ZNF469: variants seen among roughly 807,000 people sequenced by gnomAD.
ZNF469 encodes the protein zinc finger protein 469.
ZNF469 carries 1 observed loss-of-function variant against 1.0 expected under a neutral mutation model. The ratio of observed to expected loss-of-function variants is 1.00; its 90% CI spans 0.35 to 4.73. The LOEUF (loss-of-function observed/expected upper bound fraction) is 4.73, where lower values mean the gene tolerates loss of function less well. ZNF469 is among the 30% of genes most tolerant of loss of function. The pLI, the probability that ZNF469 is intolerant of heterozygous loss-of-function variation, is 0.16. For synonymous variants in ZNF469, 2,703 were observed against 2,363.4 expected, an observed-to-expected ratio of 1.14 and a Z score of -4.17; for missense variants, 6,100 against 5,356.3, an observed-to-expected ratio of 1.14 and a Z score of -4.33.
chr16:88,367,981 G>C, the ZNF469 span, among the ~76,000 whole-genome samples: 1 of 152,168 alleles, frequency 6.6e-6, no homozygotes, highest in African/African-American at 2.4e-5. Flanking sequence ...GCAGACGAAA[G>C]CACGCCCGAT....
At chr16:88,370,397 A>T in the ZNF469 span, among the ~76,000 whole-genome samples, 3 of 152,176 alleles carry the variant, frequency 2.0e-5, no homozygotes, top group African/African-American at 4.8e-5. Flanking sequence ...AAGCCATGAC[A>T]CAGAGTTGCC....
chr16:88,430,496 C>A lies in ZNF469; in HGVS notation c.3026C>A (p.Ala1009Glu). 7.0e-7 allele frequency: 1 copy of A among 1,418,966 alleles called. No individual in the cohort carries two copies. The highest frequency in any genetic ancestry group is 9.1e-7 in the Non-Finnish European group (1 of 1,097,292). The allele number at this position is 1,418,966 out of a possible 1,614,324, so 87.9% of individuals were successfully genotyped here. ...GCCCCCGGGAGCCGCGCAGACCCCGCGCCCCGGGTCCCGAGAGCCGCCGCC... is the reference window on the plus strand; with the variant it reads ...GCCCCCGGGAGCCGCGCAGACCCCGAGCCCCGGGTCCCGAGAGCCGCCGCC... ...TQAPGSRADP[A>E]PRVPRAAALP... is the part of the protein sequence containing the mutation. Residue 1009 changes from alanine (A) to glutamate (E), a missense_variant, in exon 3 of 3, where the codon GCG becomes GAG. Coordinates refer to ENST00000565624, the MANE Select transcript of ZNF469 (RefSeq NM_001367624.2).
intron 2 of ZNF469, among the ~76,000 whole-genome samples, chr16:88,426,764 C>A (rs1157218516): frequency 6.6e-6 from 1 of 152,156 alleles, no homozygotes; most frequent in Admixed American, 6.5e-5. Context: ...GGCAGGGAGA[C>A]CCTGGCTGAC....
chr16:88,164,637 C>T, the ZNF469 span, among the ~76,000 whole-genome samples: 1 of 152,172 alleles, frequency 6.6e-6, no homozygotes, highest in African/African-American at 2.4e-5. Flanking sequence ...TGGTTCATGA[C>T]AGCACAGTGC....
intron 1 of ZNF469, among the ~76,000 whole-genome samples, chr16:88,408,724 C>T (rs905297584): frequency 2.0e-5 from 3 of 151,466 alleles, no homozygotes; most frequent in African/African-American, 7.3e-5. Flanking sequence ...CCAGGCCAGC[C>T]CTGACCCTCC....
At chr16:88,185,647 A>C in the ZNF469 span, among the ~76,000 whole-genome samples, 1 of 149,176 alleles carries the variant, frequency 6.7e-6, no homozygotes, top group Non-Finnish European at 1.5e-5. Flanking sequence ...CACACATGTG[A>C]ATATAGTATA....
rs1275714295 is a variant in ZNF469, at chr16:88,395,235, GTAGATGGATGGATGGATGGA to G, written c.-192+11983_-192+12002del. ...GATGGGTGGATGGATGGGTGGATGG[GTAGATGGATGGATGGATGGA>G]TGGATGGATGGATGGATGGATGGAT... is the stretch of plus-strand genomic sequence containing the variant. On this transcript the variant is annotated intron_variant, in intron 1 of 2. Transcript: ENST00000565624. Among the ~76,000 whole-genome samples, 576 of 138,506 alleles carry G rather than the reference GTAGATGGATGGATGGATGGA, an allele frequency of 4.2e-3. 19 individuals carry two copies. The highest frequency in any genetic ancestry group is 0.014 in the African/African-American group (518 of 36,030). 90.9% of individuals were successfully genotyped at this position (138,506 alleles called of 152,430 possible).
the ZNF469 span, among the ~76,000 whole-genome samples, chr16:88,331,624 T>A: frequency 6.9e-6 from 1 of 145,012 alleles, no homozygotes; most frequent in Non-Finnish European, 1.5e-5. Context: ...TCATCATCAC[T>A]ATTGTTACCA....
the ZNF469 span, among the ~76,000 whole-genome samples, chr16:88,245,292 A>G: frequency 2.7e-3 from 410 of 152,326 alleles, no homozygotes; most frequent in Non-Finnish European, 4.6e-3. Context: ...ATGATTAAGT[A>G]GAGGAGGAGG....
At chr16:88,121,105 C>A in the ZNF469 span, among the ~76,000 whole-genome samples, 1 of 58,188 alleles carries the variant, frequency 1.7e-5, no homozygotes, top group Non-Finnish European at 3.2e-5. Context: ...GTACCATGCA[C>A]GGTGGGATGG....
the ZNF469 span, among the ~76,000 whole-genome samples, chr16:88,150,328 C>A: frequency 1.1e-4 from 16 of 152,238 alleles, no homozygotes; most frequent in South Asian, 2.1e-4. Flanking sequence ...AACAAAAAAA[C>A]CAAACAAATA....
the ZNF469 span, among the ~76,000 whole-genome samples, chr16:88,259,341 C>T: frequency 2.6e-5 from 4 of 152,004 alleles, no homozygotes; most frequent in Non-Finnish European, 5.9e-5. The surrounding 1 kb of genome is among the most constrained non-coding windows in gnomAD (Gnocchi z 4.1). Context: ...ATCCCGCGCC[C>T]CCATCCCTCT....
the ZNF469 span, among the ~76,000 whole-genome samples, chr16:88,115,751 T>C: frequency 6.6e-6 from 1 of 151,794 alleles, no homozygotes; most frequent in Non-Finnish European, 1.5e-5. Flanking sequence ...CTCTGGGTCC[T>C]TCCAGCCATA....
chr16:88,371,381 A>G, the ZNF469 span, among the ~76,000 whole-genome samples: 1 of 152,242 alleles, frequency 6.6e-6, no homozygotes, highest in South Asian at 2.1e-4. Flanking sequence ...TCACATTTAC[A>G]TAGGACGTGA....
At chr16:88,303,677 T>G in the ZNF469 span, among the ~76,000 whole-genome samples, 1 of 152,196 alleles carries the variant, frequency 6.6e-6, no homozygotes, top group Non-Finnish European at 1.5e-5. Flanking sequence ...TCTTCCTACC[T>G]TGTCCTCCCA....
chr16:88,339,642 G>A, the ZNF469 span, among the ~76,000 whole-genome samples: 1,177 of 37,742 alleles, frequency 0.031, 68 homozygotes, highest in East Asian at 0.088. Flanking sequence ...GGAGGATGGG[G>A]GACGTGGCAG....
At chr16:88,227,984 C>T in the ZNF469 span, among the ~76,000 whole-genome samples, 1 of 152,234 alleles carries the variant, frequency 6.6e-6, no homozygotes, top group Admixed American at 6.5e-5. Context: ...CCCAGCCAGG[C>T]TCCGCATCCA....
At chr16:88,245,346 A>G in the ZNF469 span, among the ~76,000 whole-genome samples, 6 of 152,234 alleles carry the variant, frequency 3.9e-5, no homozygotes, top group African/African-American at 1.4e-4. Flanking sequence ...GCTGTTTCTC[A>G]TGGTCTGCTG....
chr16:88,376,887 G>T, the ZNF469 span, among the ~76,000 whole-genome samples: 4 of 152,174 alleles, frequency 2.6e-5, no homozygotes, highest in African/African-American at 9.7e-5. Context: ...GCCCAGCCCA[G>T]ACGCCAGGCC....
Sources: allele counts gnomAD v4.1 joint callset (sites outside exome capture counted in the v4.1 genomes callset), GRCh38; gene constraint gnomAD v4.1.1; non-coding constraint Gnocchi (gnomAD v3.1); transcripts MANE v1.5; gene names NCBI Gene and HGNC (gene_info 2026-07-23, HGNC 2026-07-21).